RBFOX2: variants seen among roughly 807,000 people sequenced by gnomAD.
The protein encoded by RBFOX2 is RNA binding fox-1 homolog 2.
RBFOX2 carries 10 observed loss-of-function variants against 49.1 expected under a neutral mutation model. The observed-to-expected ratio is 0.20, with a 90% CI of 0.13 to 0.35. The LOEUF is 0.35. Among genes scored for constraint, RBFOX2 ranks in the 10% least tolerant of loss-of-function variants. The pLI is 1.00. For missense variants in RBFOX2, 323 were observed against 486.9 expected (o/e 0.66, Z 3.17); for synonymous variants, 183 against 187.4 (o/e 0.98, Z 0.19).
intron 1 of RBFOX2, among the ~76,000 whole-genome samples, chr22:35,909,209 G>A (rs2049483320): frequency 6.6e-6 from 1 of 152,186 alleles, no homozygotes; most frequent in South Asian, 2.1e-4. Flanking sequence ...TCTTGTTGCA[G>A]CTGCTCAAGA....
rs1296959038 is a variant in RBFOX2 at position 36,028,617 on chromosome 22, C to G, written c.-192G>C. On this transcript the variant is annotated 5_prime_UTR_variant, in exon 1 of 14. Transcript: ENST00000438146. ...CCGCCGCTCCTTGCCTGACCGCTTG[C>G]TCCCCGCCCGCCCGCCCGCCGGGTT... is the stretch of plus-strand genomic sequence containing the variant. 4.7e-5 allele frequency among the ~76,000 whole-genome samples: 7 copies of G among 149,762 alleles called. No homozygotes were observed. In the East Asian group the frequency reaches 1.4e-3, roughly 29 times the overall value.
intron 1 of RBFOX2, among the ~76,000 whole-genome samples, chr22:35,969,668 A>G (rs1383447962): frequency 1.3e-5 from 2 of 152,214 alleles, no homozygotes. Context: ...GGCTCTTTAT[A>G]TATCAGAGGC....
At chr22:35,863,662 C>T (rs528916435) in intron 1 of RBFOX2, among the ~76,000 whole-genome samples, 29 of 152,260 alleles carry the variant, frequency 1.9e-4, no homozygotes, top group African/African-American at 7.0e-4. Flanking sequence ...CCCCTTGATC[C>T]ATTCAGACCT....
At chr22:35,780,608 T>C (rs1160918760) in intron 3 of RBFOX2, among the ~76,000 whole-genome samples, 1 of 152,190 alleles carries the variant, frequency 6.6e-6, no homozygotes, top group East Asian at 1.9e-4. Flanking sequence ...TTTTAGATAT[T>C]GGTCTTGACA....
chr22:35,919,062 T>C (rs2050733824), intron 1 of RBFOX2, among the ~76,000 whole-genome samples: 1 of 152,200 alleles, frequency 6.6e-6, no homozygotes, highest in Admixed American at 6.5e-5. Flanking sequence ...AATGAAGTAC[T>C]GCTATAACAT....
intron 2 of RBFOX2, among the ~76,000 whole-genome samples, chr22:35,793,184 C>T (rs567088290): frequency 6.6e-6 from 1 of 152,314 alleles, no homozygotes; most frequent in East Asian, 1.9e-4. Flanking sequence ...CCAGCCTGGC[C>T]AACGTGGTGA....
At chr22:35,998,841 C>T (rs2058295603) in intron 1 of RBFOX2, 1 of 152,690 alleles carries the variant, frequency 6.5e-6, no homozygotes, top group Non-Finnish European at 1.5e-5. Context: ...GCCTCTGCAC[C>T]TCGTCACAAC....
At chr22:35,901,295 A>T (rs1603443721) in intron 1 of RBFOX2, among the ~76,000 whole-genome samples, 1 of 152,170 alleles carries the variant, frequency 6.6e-6, no homozygotes, top group Non-Finnish European at 1.5e-5. Context: ...AATCACTGAA[A>T]AACTTACCCT....
intron 1 of RBFOX2, among the ~76,000 whole-genome samples, chr22:35,858,385 T>C (rs1313368576): frequency 6.6e-6 from 1 of 152,188 alleles, no homozygotes; most frequent in Non-Finnish European, 1.5e-5. Flanking sequence ...ACAAAGCTCT[T>C]CCTGATTACC....
At chr22:36,014,846 T>C (rs2058973170) in intron 1 of RBFOX2, among the ~76,000 whole-genome samples, 1 of 152,322 alleles carries the variant, frequency 6.6e-6, no homozygotes, top group South Asian at 2.1e-4. Context: ...GATAAGCGCC[T>C]CTCTGAAGGG....
At chr22:35,762,554 T>C (rs1939304048) in intron 6 of RBFOX2, among the ~76,000 whole-genome samples, 1 of 148,342 alleles carries the variant, frequency 6.7e-6, no homozygotes. Context: ...TCACCCAGGC[T>C]GGAGTGCAGT....
chr22:35,812,047 G>A (rs534608289), intron 1 of RBFOX2, among the ~76,000 whole-genome samples: 3 of 151,702 alleles, frequency 2.0e-5, no homozygotes, highest in African/African-American at 7.3e-5. Context: ...GATCACTTGA[G>A]GTCAGGAGTT....
intron 1 of RBFOX2, among the ~76,000 whole-genome samples, chr22:35,894,349 A>G (rs1292202565): frequency 6.6e-6 from 1 of 152,226 alleles, no homozygotes; most frequent in Non-Finnish European, 1.5e-5. Flanking sequence ...TGTGAAGGAT[A>G]GTAAAAATTA....
chr22:35,922,950 T>C (rs947319986), intron 1 of RBFOX2, among the ~76,000 whole-genome samples: 7 of 152,158 alleles, frequency 4.6e-5, no homozygotes, highest in African/African-American at 1.7e-4. Flanking sequence ...CACCTGAACC[T>C]TCAGTCAGGT....
At chr22:35,769,640 C>G (rs569352399) in intron 4 of RBFOX2, among the ~76,000 whole-genome samples, 1 of 152,150 alleles carries the variant, frequency 6.6e-6, no homozygotes, top group Non-Finnish European at 1.5e-5. Flanking sequence ...GTCCTGCTAG[C>G]GTTTTTTGAA....
chr22:35,808,188 T>G (rs1408720269), intron 2 of RBFOX2, among the ~76,000 whole-genome samples: 1 of 152,214 alleles, frequency 6.6e-6, no homozygotes, highest in Non-Finnish European at 1.5e-5. Context: ...TAAAAAGTTA[T>G]TTGGAAATGC....
chr22:35,758,902 G>A (rs1007331076), intron 9 of RBFOX2, among the ~76,000 whole-genome samples: 2 of 152,152 alleles, frequency 1.3e-5, no homozygotes, highest in Non-Finnish European at 2.9e-5. Flanking sequence ...ATACAAAGGA[G>A]GTTCCTTCCC....
chr22:36,025,555 T>C (rs1268737189), intron 1 of RBFOX2, among the ~76,000 whole-genome samples: 4 of 152,208 alleles, frequency 2.6e-5, no homozygotes, highest in Admixed American at 6.5e-5. Flanking sequence ...GTGCCTGGGA[T>C]GTAGCAGCTG....
At chr22:36,019,506 T>C (rs1218672584) in intron 1 of RBFOX2, among the ~76,000 whole-genome samples, 1 of 152,250 alleles carries the variant, frequency 6.6e-6, no homozygotes, top group Non-Finnish European at 1.5e-5. Flanking sequence ...GGTTCCTTGA[T>C]AGGCACCTTA....
Sources: gnomAD v4.1 joint callset for allele counts (sites outside exome capture counted in the v4.1 genomes callset) on GRCh38, gnomAD v4.1.1 for gene constraint, MANE v1.5 for transcripts, NCBI Gene and HGNC (gene_info 2026-07-23, HGNC 2026-07-21) for gene names.